MYO9A: variants seen among roughly 807,000 people sequenced by gnomAD.
MYO9A encodes the protein myosin IXA.
A neutral mutation model predicts 293.3 loss-of-function variants in MYO9A; 103 were observed. That is an observed-to-expected ratio of 0.35 (90% CI 0.30 to 0.41). MYO9A has a LOEUF of 0.41. Ranked by LOEUF, MYO9A falls within the 10% of genes least tolerant of loss-of-function variation. The pLI is 1.00. For synonymous variants in MYO9A, 1,001 were observed against 1,035.7 expected, an observed-to-expected ratio of 0.97 and a Z score of 0.64; for missense variants, 2,685 against 3,033.0, an observed-to-expected ratio of 0.89 and a Z score of 2.69.
chr15:71,890,213 C>T (rs897169454), intron 26 of MYO9A: 1 of 152,094 alleles, frequency 6.6e-6, no homozygotes, highest in Non-Finnish European at 1.5e-5. Flanking sequence ...TCAACACAGA[C>T]AAGGATCAGA....
At chr15:71,931,245 A>G (rs541485056) in intron 18 of MYO9A, among the ~76,000 whole-genome samples, 2 of 152,358 alleles carry the variant, frequency 1.3e-5, no homozygotes, top group Admixed American at 6.5e-5. Context: ...AACTCTCAAG[A>G]AAGAAGTTCA....
rs938279228 is a variant in MYO9A at position 71,986,827 on chromosome 15, CA to C, written c.1722+4275del. Among the ~76,000 whole-genome samples the C allele has an allele frequency of 5.3e-5, 8 of 151,938 alleles. No individual in the cohort carries two copies. The East Asian group carries it at 9.7e-4, about 18-fold the overall frequency. Reference sequence around the variant, plus strand: ...ACAGTAGGCTCAGGTTAATTTATTACAAAAAAATTAATAAATTTAGTGTAAC... The same window carrying C: ...ACAGTAGGCTCAGGTTAATTTATTACAAAAAATTAATAAATTTAGTGTAAC... On this transcript the variant is annotated intron_variant, in intron 11 of 41. Coordinates refer to ENST00000356056, the MANE Select transcript of MYO9A (RefSeq NM_006901.4).
At chr15:71,964,709 C>A (rs1297838807) in intron 13 of MYO9A, among the ~76,000 whole-genome samples, 1 of 151,788 alleles carries the variant, frequency 6.6e-6, no homozygotes, top group Non-Finnish European at 1.5e-5. Flanking sequence ...ATCACTTGAA[C>A]CCGGGAGGCA....
intron 41 of MYO9A, among the ~76,000 whole-genome samples, chr15:71,827,633 G>GTCAGGAATC (rs2054560852): frequency 6.6e-6 from 1 of 152,206 alleles, no homozygotes. Context: ...TTCCGTGGAA[G>GTCAGGAATC]TCAGGAATCT....
At chr15:71,999,432 G>GA (rs896166082) in intron 9 of MYO9A, among the ~76,000 whole-genome samples, 18 of 148,910 alleles carry the variant, frequency 1.2e-4, no homozygotes, top group African/African-American at 3.0e-4. Context: ...TAGAGATAAA[G>GA]AAAAAAAAAT....
chr15:71,867,032 T>C (rs2056350981), intron 32 of MYO9A, among the ~76,000 whole-genome samples: 1 of 151,402 alleles, frequency 6.6e-6, no homozygotes, highest in Non-Finnish European at 1.5e-5. Context: ...ACTCCAGCCT[T>C]GGCAACAGAG....
At chr15:71,981,639 T>TTCTCTC (rs1485033171) in intron 11 of MYO9A, among the ~76,000 whole-genome samples, 22 of 134,326 alleles carry the variant, frequency 1.6e-4, no homozygotes, top group African/African-American at 5.8e-4. Flanking sequence ...TCTCTCTGTC[T>TTCTCTC]TGTCTCTCTC....
Position 71,826,990 on chromosome 15 carries a change from TG to T in MYO9A, c.7236del (p.Ser2413AlafsTer14). 1 of 1,612,958 alleles carries T rather than the reference TG, an allele frequency of 6.2e-7. No homozygotes were observed. The highest frequency in any genetic ancestry group is 1.3e-5 in the African/African-American group (1 of 74,958). The stretch of plus-strand genomic sequence containing the variant: ...TTTTTAAGTTGCTTTCGCAACTTGC[TG>T]GAAGGTTCAGACTTGCCAGCTGTCT... ...SLKTAGKSEP[S>X]SKLRKQLKKQ... On this transcript the variant is annotated frameshift_variant, in exon 42 of 42. Coordinates refer to ENST00000356056, the MANE Select transcript of MYO9A (RefSeq NM_006901.4). LOFTEE classifies it high-confidence loss of function.
intron 14 of MYO9A, among the ~76,000 whole-genome samples, chr15:71,952,168 C>G (rs2059066644): frequency 6.6e-6 from 1 of 151,944 alleles, no homozygotes. Context: ...AGAAATTTCT[C>G]AATACAAGCA....
At chr15:71,969,277 T>C (rs1165086886) in intron 12 of MYO9A, among the ~76,000 whole-genome samples, 1 of 152,220 alleles carries the variant, frequency 6.6e-6, no homozygotes, top group Non-Finnish European at 1.5e-5. Context: ...CAAATATCTC[T>C]TCCTCAAAAC....
chr15:72,081,357 T>C (rs952930194), intron 1 of MYO9A, among the ~76,000 whole-genome samples: 4 of 152,244 alleles, frequency 2.6e-5, no homozygotes, highest in African/African-American at 7.2e-5. Flanking sequence ...GCCACAGGTA[T>C]GTCTTCATTT....
chr15:71,978,190 G>C lies in MYO9A; in HGVS notation c.1825C>G (p.Leu609Val). The change falls in exon 12 of 42, where the codon CTT (leucine) becomes GTT (valine). Residue 609 changes from leucine (L) to valine (V), a missense_variant. Coordinates refer to ENST00000356056, the MANE Select transcript of MYO9A (RefSeq NM_006901.4). ...ACTCACTTGCTTTCTTCATCCAAAAGATGAAGCAGTCCTGTTGGTTTTTTG... is the reference window on the plus strand; with the variant it reads ...ACTCACTTGCTTTCTTCATCCAAAACATGAAGCAGTCCTGTTGGTTTTTTG... ...ISKKPTGLLH[L>V]LDEESNFPQA... The C allele has an allele frequency of 6.2e-7, 1 of 1,612,046 alleles. No homozygotes were observed. Among genetic ancestry groups the C allele is most frequent in the Non-Finnish European group, 8.5e-7 (1 of 1,179,448 alleles).
At position 72,094,564 on chromosome 15, in the gene MYO9A, G is replaced by A. The variant is rs1269334651; in HGVS notation, c.-72+23116C>T. On this transcript the variant is annotated intron_variant, in intron 1 of 41. Transcript: ENST00000356056. ...CTCGCTCTGTCACCCAGGTTGCAGTGCAGCAGCATGACCATCATAGCTCAC... is the reference window on the plus strand; with the variant it reads ...CTCGCTCTGTCACCCAGGTTGCAGTACAGCAGCATGACCATCATAGCTCAC... Among the ~76,000 whole-genome samples, 3 of 91,540 alleles carry A rather than the reference G, an allele frequency of 3.3e-5. 1 individual carries two copies. The highest frequency in any genetic ancestry group is 6.6e-5 in the Non-Finnish European group (2 of 30,314). The allele number at this position is 91,540 out of a possible 152,430, so 60.1% of individuals were successfully genotyped here. A position where few individuals can be genotyped will look rare whatever the true frequency, so the allele number is the denominator to read the frequency against.
At chr15:72,109,595 GAC>G (rs2080703837) in intron 1 of MYO9A, among the ~76,000 whole-genome samples, 1 of 151,978 alleles carries the variant, frequency 6.6e-6, no homozygotes, top group African/African-American at 2.4e-5. Context: ...AGCAAAATAA[GAC>G]AAAAATATTA....
chr15:72,043,375 G>A (rs1566977239), intron 2 of MYO9A, among the ~76,000 whole-genome samples: 2 of 151,820 alleles, frequency 1.3e-5, no homozygotes, highest in Non-Finnish European at 2.9e-5. Flanking sequence ...ATTTACTGAA[G>A]AGAAAAAAAT....
intron 2 of MYO9A, among the ~76,000 whole-genome samples, chr15:72,039,485 T>C (rs1321709974): frequency 1.3e-5 from 2 of 152,110 alleles, no homozygotes; most frequent in Non-Finnish European, 2.9e-5. Flanking sequence ...AAAAACCAGA[T>C]AGGATTTAAA....
At chr15:71,988,858 C>T (rs919937212) in intron 11 of MYO9A, among the ~76,000 whole-genome samples, 2 of 152,114 alleles carry the variant, frequency 1.3e-5, no homozygotes, top group Non-Finnish European at 1.5e-5. Flanking sequence ...ATTTTGTTTG[C>T]CCCTCCCTTT....
chr15:72,099,164 G>A lies in MYO9A; in HGVS notation c.-72+18516C>T, dbSNP rs145040607. Among the ~76,000 whole-genome samples, 846 of 152,068 alleles carry A rather than the reference G, an allele frequency of 5.6e-3. 12 individuals carry two copies. Among genetic ancestry groups the A allele is most frequent in the Non-Finnish European group, 5.2e-3 (352 of 67,966 alleles). Reference sequence around the variant, plus strand: ...CAAAAAGTAGCCAGGTCCAGGCCAGGGGCAGGGCCTCACACCTGTAATCCA... The same window carrying A: ...CAAAAAGTAGCCAGGTCCAGGCCAGAGGCAGGGCCTCACACCTGTAATCCA... On this transcript the variant is annotated intron_variant, in intron 1 of 41. Coordinates refer to ENST00000356056, the MANE Select transcript of MYO9A (RefSeq NM_006901.4).
chr15:72,067,862 T>C (rs938564773), intron 1 of MYO9A, among the ~76,000 whole-genome samples: 1 of 152,174 alleles, frequency 6.6e-6, no homozygotes, highest in African/African-American at 2.4e-5. Context: ...ACTCATTCTA[T>C]TAAAAATCTT....
Sources: allele counts gnomAD v4.1 joint callset (sites outside exome capture counted in the v4.1 genomes callset), GRCh38; gene constraint gnomAD v4.1.1; transcripts MANE v1.5; gene names NCBI Gene and HGNC (gene_info 2026-07-23, HGNC 2026-07-21).